MAP3K5: variants seen among roughly 807,000 people sequenced by gnomAD.
The protein encoded by MAP3K5 is ASK-1.
MAP3K5 carries 56 observed loss-of-function variants against 158.7 expected under a neutral mutation model. The ratio of observed to expected loss-of-function variants is 0.35; its 90% CI spans 0.28 to 0.44. The LOEUF (loss-of-function observed/expected upper bound fraction) is 0.44. Ranked by LOEUF, MAP3K5 falls within the 20% of genes least tolerant of loss-of-function variation. The pLI is 1.00. For synonymous variants in MAP3K5, 579 were observed against 601.7 expected (o/e 0.96, Z 0.55); for missense variants, 1,294 against 1,674.8 (o/e 0.77, Z 3.97).
intron 21 of MAP3K5, among the ~76,000 whole-genome samples, chr6:136,599,475 ATCTCTCTCTC>A (rs71737097): frequency 0.069 from 9,766 of 142,038 alleles, 711 homozygotes; most frequent in African/African-American, 0.18. Flanking sequence ...CACTTAAAGG[ATCTCTCTCTC>A]TCTCTCTCTC....
chr6:136,745,459 C>G (rs1311875306), intron 1 of MAP3K5, among the ~76,000 whole-genome samples: 1 of 152,124 alleles, frequency 6.6e-6, no homozygotes, highest in Non-Finnish European at 1.5e-5. Context: ...CCGGCCAGCT[C>G]CCTGCCTCTG....
At chr6:136,602,622 C>T (rs9389411) in intron 19 of MAP3K5, among the ~76,000 whole-genome samples, 2,173 of 152,242 alleles carry the variant, frequency 0.014, 34 homozygotes, top group East Asian at 0.08. Context: ...GAGACCACTG[C>T]GTTGCTCACA....
chr6:136,744,933 A>G (rs1332398210), intron 1 of MAP3K5, among the ~76,000 whole-genome samples: 1 of 152,152 alleles, frequency 6.6e-6, no homozygotes, highest in East Asian at 1.9e-4. Context: ...TCCATCAACC[A>G]TGCCGCAGAG....
intron 1 of MAP3K5, among the ~76,000 whole-genome samples, chr6:136,735,636 C>T (rs1382040160): frequency 2.0e-5 from 3 of 152,070 alleles, no homozygotes; most frequent in Non-Finnish European, 4.4e-5. Flanking sequence ...TTGAGACCAG[C>T]CTGAGCAACA....
chr6:136,636,715 G>T, intron 14 of MAP3K5: 2 of 536,812 alleles, frequency 3.7e-6, no homozygotes, highest in Non-Finnish European at 4.8e-6. Context: ...GGCCGAGGTG[G>T]GAGGATTGCT....
At chr6:136,641,059 A>T (rs1396948779) in intron 12 of MAP3K5, among the ~76,000 whole-genome samples, 2 of 152,218 alleles carry the variant, frequency 1.3e-5, no homozygotes, top group Non-Finnish European at 2.9e-5. Flanking sequence ...TACATTTACC[A>T]TACTTTCTTA....
chr6:136,567,298 C>G (rs1441464051), intron 26 of MAP3K5, among the ~76,000 whole-genome samples: 1 of 152,168 alleles, frequency 6.6e-6, no homozygotes, highest in East Asian at 1.9e-4. Flanking sequence ...CATGAGCTTT[C>G]TGTTCTTTTC....
intron 24 of MAP3K5, among the ~76,000 whole-genome samples, chr6:136,582,029 C>G (rs9376208): frequency 0.19 from 28,979 of 151,694 alleles, 3,199 homozygotes; most frequent in East Asian, 0.39. Flanking sequence ...GTTGCAGTGA[C>G]CTGAGATCAT....
chr6:136,654,992 T>C (rs1200452496), intron 10 of MAP3K5, among the ~76,000 whole-genome samples: 1 of 152,230 alleles, frequency 6.6e-6, no homozygotes, highest in Non-Finnish European at 1.5e-5. Context: ...CTGGTGTTTA[T>C]ACCTATATTC....
chr6:136,677,007 G>C (rs1444407320), intron 7 of MAP3K5, among the ~76,000 whole-genome samples: 1 of 151,012 alleles, frequency 6.6e-6, no homozygotes, highest in African/African-American at 2.4e-5. Flanking sequence ...GATCAGGCTG[G>C]TCTCGAACTC....
intron 9 of MAP3K5, among the ~76,000 whole-genome samples, chr6:136,656,775 C>G (rs1046771178): frequency 1.3e-5 from 2 of 150,920 alleles, no homozygotes; most frequent in African/African-American, 5.0e-5. Context: ...GCATGCACCA[C>G]CACGCCTGGC....
In MAP3K5 at chr6:136,737,035, G is replaced by GCATATATATATATATA. The variant is rs1554308004; in HGVS notation, c.449-16447_449-16446insTATATATATATATATG. Among the ~76,000 whole-genome samples, 22 of 118,712 alleles carry GCATATATATATATATA rather than the reference G, an allele frequency of 1.9e-4. No individual in the cohort carries two copies. The South Asian group carries it at 3.0e-3, about 16-fold the overall frequency. The allele number at this position is 118,712 out of a possible 152,430, so 77.9% of individuals were successfully genotyped here. A position where few individuals can be genotyped will look rare whatever the true frequency, so the allele number is the denominator to read the frequency against. On this transcript the variant is annotated intron_variant, in intron 1 of 29. Transcript: ENST00000359015. ...ATTAATTTTACATATATATATGTGTGTGTATATATATATATATATATAAAC... is the reference window on the plus strand; with the variant it reads ...ATTAATTTTACATATATATATGTGTGCATATATATATATATATGTATATATATATATATATATAAAC...
At chr6:136,737,041 A>ATATATATATATGTGTG (rs1782502759) in intron 1 of MAP3K5, among the ~76,000 whole-genome samples, 1 of 143,232 alleles carries the variant, frequency 7.0e-6, no homozygotes, top group African/African-American at 2.8e-5. Context: ...GTGTGTGTAT[A>ATATATATATATGTGTG]TATATATATA....
At chr6:136,692,810 G>C (rs1780443784) in intron 7 of MAP3K5, among the ~76,000 whole-genome samples, 1 of 152,066 alleles carries the variant, frequency 6.6e-6, no homozygotes, top group South Asian at 2.1e-4. Flanking sequence ...CAAACAATTA[G>C]CCAGGCGTGG....
At chr6:136,706,512 G>C (rs1583452189) in intron 2 of MAP3K5, among the ~76,000 whole-genome samples, 3 of 152,158 alleles carry the variant, frequency 2.0e-5, no homozygotes, top group African/African-American at 7.2e-5. Context: ...TTAGAAAAGG[G>C]AAAAGGGAAC....
intron 20 of MAP3K5, 23 bp downstream of exon 20, chr6:136,601,779 T>A (rs370751718): frequency 2.0e-5 from 32 of 1,611,618 alleles, no homozygotes; most frequent in Admixed American, 3.4e-5. Context: ...TCAGACTATA[T>A]CCTCTTCAAT....
chr6:136,558,880 T>C lies in MAP3K5; in HGVS notation c.3988-4A>G. 2.0e-6 allele frequency: 3 copies of C among 1,490,094 alleles called. No homozygotes were observed. The highest frequency in any genetic ancestry group is 1.9e-6 in the Non-Finnish European group (2 of 1,069,878). 92.3% of individuals were successfully genotyped at this position (1,490,094 alleles called of 1,614,324 possible). A position where few individuals can be genotyped will look rare whatever the true frequency, so the allele number is the denominator to read the frequency against. ...GTGTATAATCTTCAGCCAAAAACTGTAGAGAAAGTAGAATATGCACAAAAG... is the reference window on the plus strand; with the variant it reads ...GTGTATAATCTTCAGCCAAAAACTGCAGAGAAAGTAGAATATGCACAAAAG... On this transcript the variant is annotated splice_polypyrimidine_tract_variant and splice_region_variant and intron_variant, in intron 28 of 29. Coordinates refer to ENST00000359015, the MANE Select transcript of MAP3K5 (RefSeq NM_005923.4).
chr6:136,692,079 C>G, intron 7 of MAP3K5, among the ~76,000 whole-genome samples: 1 of 148,746 alleles, frequency 6.7e-6, no homozygotes, highest in Non-Finnish European at 1.5e-5. Context: ...TTCTTTTTTT[C>G]TTTTTTTTAA....
chr6:136,790,427 A>G (rs1357349761), intron 1 of MAP3K5, among the ~76,000 whole-genome samples: 1 of 152,222 alleles, frequency 6.6e-6, no homozygotes, highest in Non-Finnish European at 1.5e-5. Context: ...TAGAAAAGTT[A>G]TGTTGATGTA....
Sources: allele counts gnomAD v4.1 joint callset (sites outside exome capture counted in the v4.1 genomes callset), GRCh38; gene constraint gnomAD v4.1.1; transcripts MANE v1.5; gene names NCBI Gene and HGNC (gene_info 2026-07-23, HGNC 2026-07-21).